Variants in MOCOS observed in about 807,000 individuals in gnomAD.
MOCOS encodes the protein molybdenum cofactor sulfurase.
A neutral mutation model predicts 83.6 loss-of-function variants in MOCOS; 86 were observed. The ratio of observed to expected loss-of-function variants is 1.03; its 90% CI spans 0.86 to 1.23. The LOEUF (loss-of-function observed/expected upper bound fraction) is 1.23, where lower values mean the gene tolerates loss of function less well. Among genes scored for constraint, MOCOS ranks in the 50% most tolerant of loss-of-function variants. MOCOS has a pLI of 0.00. For missense variants in MOCOS, 1,120 were observed against 1,126.9 expected (o/e 0.99, Z 0.09); for synonymous variants, 445 against 434.7 (o/e 1.02, Z -0.29).
intron 9 of MOCOS, among the ~76,000 whole-genome samples, chr18:36,245,969 G>A (rs2091600779): frequency 6.6e-6 from 1 of 152,090 alleles, no homozygotes; most frequent in South Asian, 2.1e-4. Flanking sequence ...TTCATTTCCA[G>A]AAGTTGTGAT....
At position 36,260,167 on chromosome 18, in the gene MOCOS, C is replaced by G. The variant is rs371356274; in HGVS notation, c.2401C>G (p.Arg801Gly). 1.2e-6 allele frequency: 2 copies of G among 1,613,916 alleles called. No homozygotes were observed. The highest frequency in any genetic ancestry group is 2.7e-5 in the African/African-American group (2 of 74,900). Residue 801 changes from arginine (R) to glycine (G), a missense_variant, in exon 13 of 15, where the codon CGT becomes GGT. By Grantham distance (125) the Arg-to-Gly change is moderately radical (BLOSUM62 -2). Coordinates refer to ENST00000261326, the MANE Select transcript of MOCOS (RefSeq NM_017947.4). ...GGATGAGATTTCAATTGGCTCTTTGCGTTTCCAGGTAAGTTTGGGGAAGTT... is the reference window on the plus strand; with the variant it reads ...GGATGAGATTTCAATTGGCTCTTTGGGTTTCCAGGTAAGTTTGGGGAAGTT... Reference protein sequence around the residue: ...KWDEISIGSLRFQVLGPCHRC... With the variant: ...KWDEISIGSLGFQVLGPCHRC...
chr18:36,191,340 G>C (rs972869381), intron 1 of MOCOS, among the ~76,000 whole-genome samples: 6 of 152,186 alleles, frequency 3.9e-5, no homozygotes, highest in Admixed American at 3.9e-4. Flanking sequence ...GAATCACCAG[G>C]GAGCCTCCCT....
intron 1 of MOCOS, among the ~76,000 whole-genome samples, chr18:36,187,960 T>C (rs764332151): frequency 2.6e-5 from 4 of 152,230 alleles, no homozygotes; most frequent in Non-Finnish European, 5.9e-5. Context: ...GGGCTTAGGA[T>C]GGTTCTTGCC....
rs761541148 is a variant in MOCOS, at chr18:36,260,159, G to C, written c.2393G>C (p.Gly798Ala). ...GAGAAATGGGATGAGATTTCAATTG[G>C]CTCTTTGCGTTTCCAGGTAAGTTTG... ...EEEKWDEISI[G>A]SLRFQVLGPC... The change falls in exon 13 of 15, where the codon GGC becomes GCC. Residue 798 changes from glycine (G) to alanine (A), a missense_variant. By Grantham distance (60) the Gly-to-Ala change is moderately conservative. Transcript: ENST00000261326. 7.6e-5 allele frequency: 122 copies of C among 1,613,996 alleles called. No individual in the cohort carries two copies. The highest frequency in any genetic ancestry group is 9.2e-5 in the Non-Finnish European group (109 of 1,180,018).
At chr18:36,196,540 C>T (rs1165235974) in intron 2 of MOCOS, among the ~76,000 whole-genome samples, 1 of 152,070 alleles carries the variant, frequency 6.6e-6, no homozygotes, top group Non-Finnish European at 1.5e-5. Flanking sequence ...TGTTATGCCA[C>T]ATTAAGGGGT....
intron 1 of MOCOS, among the ~76,000 whole-genome samples, chr18:36,192,863 G>A (rs1380575242): frequency 1.3e-5 from 2 of 151,970 alleles, no homozygotes; most frequent in African/African-American, 4.8e-5. Flanking sequence ...TGGCCAGGCT[G>A]GTCTTGAACT....
At chr18:36,238,540 T>A (rs199665862) in intron 9 of MOCOS, among the ~76,000 whole-genome samples, 1,572 of 145,536 alleles carry the variant, frequency 0.011, 13 homozygotes, top group East Asian at 0.073. Context: ...TGCTGAGGAG[T>A]GCTTTACTTC....
chr18:36,224,247 T>G (rs1645884491), intron 9 of MOCOS, among the ~76,000 whole-genome samples: 2 of 152,188 alleles, frequency 1.3e-5, no homozygotes, highest in Admixed American at 1.3e-4. Flanking sequence ...AAGGACAATT[T>G]TACTTCCCTT....
chr18:36,232,888 A>ACACC (rs1568060529), intron 9 of MOCOS, among the ~76,000 whole-genome samples: 1 of 143,062 alleles, frequency 7.0e-6, no homozygotes, highest in East Asian at 2.0e-4. Flanking sequence ...ACACACACAC[A>ACACC]CCATTTTCTT....
intron 9 of MOCOS, among the ~76,000 whole-genome samples, chr18:36,238,958 C>T (rs946495474): frequency 1.3e-5 from 2 of 151,068 alleles, no homozygotes; most frequent in East Asian, 1.9e-4. Flanking sequence ...GATTGCAACC[C>T]CTGCCTTTTT....
At chr18:36,225,795 A>G (rs1395011896) in intron 9 of MOCOS, among the ~76,000 whole-genome samples, 2 of 151,996 alleles carry the variant, frequency 1.3e-5, no homozygotes, top group African/African-American at 2.4e-5. Context: ...TCTTTGATCA[A>G]ATGGTCATTT....
intron 9 of MOCOS, among the ~76,000 whole-genome samples, chr18:36,230,362 G>C (rs2091533414): frequency 6.6e-6 from 1 of 152,124 alleles, no homozygotes; most frequent in Admixed American, 6.5e-5. Flanking sequence ...TGGGATTACA[G>C]ACATGAGCCA....
chr18:36,191,234 ACTAC>A (rs2091364837), intron 1 of MOCOS, among the ~76,000 whole-genome samples: 2 of 152,180 alleles, frequency 1.3e-5, no homozygotes, highest in Admixed American at 1.3e-4. Context: ...TTCTTTATAA[ACTAC>A]CCAGTCTCAG....
chr18:36,213,217 T>A (rs2091461781), intron 6 of MOCOS, 149 bp from the exon 7 acceptor site: 1 of 713,144 alleles, frequency 1.4e-6, no homozygotes, highest in Non-Finnish European at 2.5e-6. Context: ...ATACAACGTT[T>A]AACCTGTGAT....
At chr18:36,190,395 G>A (rs1468514252) in intron 1 of MOCOS, 2 of 152,102 alleles carry the variant, frequency 1.3e-5, no homozygotes, top group African/African-American at 2.4e-5. Flanking sequence ...GGATCAAGGG[G>A]GTGGATTTCC....
intron 9 of MOCOS, 79 bp downstream of exon 9, chr18:36,220,296 T>G: frequency 6.4e-7 from 1 of 1,556,470 alleles, no homozygotes; most frequent in Non-Finnish European, 8.7e-7. Flanking sequence ...TACCAAGTGT[T>G]AGAATAACCC....
At position 36,242,321 on chromosome 18, in the gene MOCOS, G is replaced by A. The variant is rs1226179211; in HGVS notation, c.1961-6601G>A. 3.3e-5 allele frequency among the ~76,000 whole-genome samples: 5 copies of A among 152,174 alleles called. No homozygotes were observed. The East Asian group carries it at 9.6e-4, about 29-fold the overall frequency. ...TGACCTTTGATCCACTTCCCCACAAGTTCCTCATCTCTATCTGAGACTACC... is the reference window on the plus strand; with the variant it reads ...TGACCTTTGATCCACTTCCCCACAAATTCCTCATCTCTATCTGAGACTACC... On this transcript the variant is annotated intron_variant, in intron 9 of 14. Transcript: ENST00000261326.
At chr18:36,219,881 T>C (rs2091489632) in intron 8 of MOCOS, among the ~76,000 whole-genome samples, 174 bp from the exon 9 acceptor site, 1 of 152,154 alleles carries the variant, frequency 6.6e-6, no homozygotes. Context: ...AGCTCCTACA[T>C]CATCTTCTTT....
chr18:36,213,827 G>T (rs949897518), intron 7 of MOCOS, among the ~76,000 whole-genome samples: 1 of 152,072 alleles, frequency 6.6e-6, no homozygotes, highest in East Asian at 1.9e-4. Flanking sequence ...TACTTGGGAG[G>T]CTGAGGCAGG....
Sources: allele counts gnomAD v4.1 joint callset (sites outside exome capture counted in the v4.1 genomes callset), GRCh38; gene constraint gnomAD v4.1.1; transcripts MANE v1.5; gene names NCBI Gene and HGNC (gene_info 2026-07-23, HGNC 2026-07-21).